EHBP1: variants seen among roughly 807,000 people sequenced by gnomAD.
EHBP1 encodes EH domain-binding protein 1.
In EHBP1, 55 loss-of-function variants were observed where a neutral mutation model predicts 144.0. The observed-to-expected ratio is 0.38, with a 90% CI of 0.31 to 0.48. EHBP1 has a LOEUF of 0.48. Ranked by LOEUF, EHBP1 falls within the 20% of genes least tolerant of loss-of-function variation. The pLI, the probability that EHBP1 is intolerant of heterozygous loss-of-function variation, is 0.98. For missense variants in EHBP1, 1,200 were observed against 1,364.2 expected (o/e 0.88, Z 1.90); for synonymous variants, 469 against 472.7 (o/e 0.99, Z 0.10).
rs71410958 is a variant in EHBP1, at chr2:62,694,502, CA to C, written c.-295-12382del. Among the ~76,000 whole-genome samples, 818 of 120,826 alleles carry C rather than the reference CA, an allele frequency of 6.8e-3. 7 individuals are homozygous for C. Among genetic ancestry groups the C allele is most frequent in the African/African-American group, 0.022 (685 of 31,796 alleles). 79.3% of individuals were successfully genotyped at this position (120,826 alleles called of 152,430 possible). A position where few individuals can be genotyped will look rare whatever the true frequency, so the allele number is the denominator to read the frequency against. On this transcript the variant is annotated intron_variant, in intron 1 of 22. Transcript: ENST00000405015. ...CCAAAAATAGCACTCCCTCCCATGA[CA>C]AAAAAAAAAAAACTTCTTAAGACAG...
intron 19 of EHBP1, among the ~76,000 whole-genome samples, chr2:63,028,194 A>G (rs763777493): frequency 6.6e-6 from 1 of 152,208 alleles, no homozygotes; most frequent in African/African-American, 2.4e-5. Context: ...ATGTTTACCT[A>G]TTTCAAAACA....
chr2:62,776,321 G>A (rs2042050615), intron 5 of EHBP1, among the ~76,000 whole-genome samples: 1 of 152,144 alleles, frequency 6.6e-6, no homozygotes. Flanking sequence ...CCTTAGATAA[G>A]TCATTTAATA....
chr2:63,043,625 C>G (rs1444990453), intron 21 of EHBP1, among the ~76,000 whole-genome samples: 3 of 152,028 alleles, frequency 2.0e-5, no homozygotes, highest in African/African-American at 7.3e-5. Flanking sequence ...CCTCTAGCAC[C>G]ATTTGCTTTC....
chr2:62,784,173 A>G (rs2042643648), intron 5 of EHBP1, among the ~76,000 whole-genome samples: 1 of 152,230 alleles, frequency 6.6e-6, no homozygotes, highest in South Asian at 2.1e-4. Flanking sequence ...AAAAATCATG[A>G]TGTATTTACT....
At chr2:62,881,342 GAC>G (rs2051397572) in intron 10 of EHBP1, among the ~76,000 whole-genome samples, 1 of 139,766 alleles carries the variant, frequency 7.2e-6, no homozygotes, top group Non-Finnish European at 1.5e-5. Context: ...AGTCCCCCAT[GAC>G]ACACAATTTA....
chr2:62,895,469 T>C (rs544221072), intron 10 of EHBP1, among the ~76,000 whole-genome samples: 1 of 152,308 alleles, frequency 6.6e-6, no homozygotes, highest in Admixed American at 6.5e-5. Context: ...CTGATACTTT[T>C]GGCATTTTAA....
At chr2:63,044,324 C>A (rs2061835764) in intron 21 of EHBP1, 1 of 148,958 alleles carries the variant, frequency 6.7e-6, no homozygotes, top group Admixed American at 6.7e-5. Context: ...GGTTTTCCAA[C>A]CTTTAACATA....
chr2:62,870,738 C>CATATATATATATATATATATATATATAT (rs756481712), intron 9 of EHBP1, among the ~76,000 whole-genome samples: 2 of 139,094 alleles, frequency 1.4e-5, no homozygotes, highest in African/African-American at 5.4e-5. Flanking sequence ...AAAAAAAATA[C>CATATATATATATATATATATATATATAT]ATATATATAT....
intron 10 of EHBP1, among the ~76,000 whole-genome samples, chr2:62,888,852 ACTGT>A (rs1321510078): frequency 6.6e-6 from 1 of 152,098 alleles, no homozygotes; most frequent in African/African-American, 2.4e-5. Context: ...AGTCTTCCAA[ACTGT>A]CTGTACTGAT....
At chr2:62,794,241 C>T (rs1460082807) in intron 5 of EHBP1, among the ~76,000 whole-genome samples, 3 of 152,010 alleles carry the variant, frequency 2.0e-5, no homozygotes, top group Non-Finnish European at 2.9e-5. Flanking sequence ...AAAAGTCAGT[C>T]ACAATATGGT....
At chr2:62,929,534 TA>T (rs569098211) in intron 10 of EHBP1, among the ~76,000 whole-genome samples, 7 of 151,296 alleles carry the variant, frequency 4.6e-5, no homozygotes, top group African/African-American at 1.7e-4. Flanking sequence ...CTTTCATGAT[TA>T]AAAAAAAATT....
intron 1 of EHBP1, among the ~76,000 whole-genome samples, chr2:62,676,634 C>A (rs972873147): frequency 1.3e-5 from 2 of 151,954 alleles, no homozygotes; most frequent in East Asian, 3.9e-4. Flanking sequence ...TCATTATTTT[C>A]GTTTTCTAGG....
chr2:62,790,569 T>A (rs1007645789), intron 5 of EHBP1, among the ~76,000 whole-genome samples: 1 of 152,180 alleles, frequency 6.6e-6, no homozygotes, highest in African/African-American at 2.4e-5. Context: ...AAGGCTCTAC[T>A]CCTATAAACA....
At chr2:62,742,000 A>T (rs947782796) in intron 2 of EHBP1, among the ~76,000 whole-genome samples, 5 of 152,078 alleles carry the variant, frequency 3.3e-5, no homozygotes, top group African/African-American at 1.2e-4. Flanking sequence ...CACCTTTTCT[A>T]TGTTTATATA....
At chr2:62,955,454 A>T in intron 13 of EHBP1, 63 bp from the exon 14 acceptor site, 1 of 1,480,518 alleles carries the variant, frequency 6.8e-7, no homozygotes, top group Non-Finnish European at 9.2e-7. Flanking sequence ...ACCTTTCATT[A>T]GTTTACAAAT....
intron 5 of EHBP1, among the ~76,000 whole-genome samples, chr2:62,816,712 C>T (rs2045477463): frequency 6.6e-6 from 1 of 152,158 alleles, no homozygotes; most frequent in South Asian, 2.1e-4. Flanking sequence ...TAAGACGTGG[C>T]TCTATTGTCT....
rs137920864 is a variant in EHBP1, at chr2:62,963,520, A to T, written c.2460+7860A>T. ...TAAAAATATGTATGAGATTATACTT[A>T]CATATTTATGAATATTGGCTGTGTT... On this transcript the variant is annotated intron_variant, in intron 14 of 22. Coordinates refer to ENST00000431489, the MANE Select transcript of EHBP1 (RefSeq NM_001142616.3). Among the ~76,000 whole-genome samples the T allele has an allele frequency of 2.2e-3, 330 of 152,350 alleles. 1 individual carries two copies. The highest frequency in any genetic ancestry group is 7.4e-3 in the African/African-American group (309 of 41,580).
intron 19 of EHBP1, among the ~76,000 whole-genome samples, chr2:63,011,669 G>A (rs2060275611): frequency 6.6e-6 from 1 of 151,690 alleles, no homozygotes; most frequent in Admixed American, 6.6e-5. Context: ...GTTTCAGGAG[G>A]GACATTCCCT....
At chr2:62,814,925 A>G (rs2045326642) in intron 5 of EHBP1, among the ~76,000 whole-genome samples, 1 of 152,246 alleles carries the variant, frequency 6.6e-6, no homozygotes, top group Non-Finnish European at 1.5e-5. Context: ...TGGGCTAGAT[A>G]GCATGAATAA....
Sources: allele counts gnomAD v4.1 joint callset (sites outside exome capture counted in the v4.1 genomes callset), GRCh38; gene constraint gnomAD v4.1.1; transcripts MANE v1.5; gene names NCBI Gene and HGNC (gene_info 2026-07-23, HGNC 2026-07-21).